Variants in GPR35 observed in about 807,000 individuals in gnomAD.
The protein encoded by GPR35 is G protein-coupled receptor 35.
For missense variants in GPR35, 372 were observed against 422.5 expected, an observed-to-expected ratio of 0.88 and a Z score of 1.05; for synonymous variants, 207 against 198.4, an observed-to-expected ratio of 1.04 and a Z score of -0.36.
At chr2:240,610,292 C>T (rs1349014199) in intron 2 of GPR35, among the ~76,000 whole-genome samples, 1 of 152,132 alleles carries the variant, frequency 6.6e-6, no homozygotes, top group African/African-American at 2.4e-5. Flanking sequence ...GCAATATTCC[C>T]TATACTAAAG....
rs553410156 is a variant in GPR35 at position 240,632,963 on chromosome 2, T to G, written c.*2081T>G. Among the ~76,000 whole-genome samples the G allele has an allele frequency of 6.6e-6, 1 of 152,250 alleles. No individual in the cohort carries two copies. The highest frequency in any genetic ancestry group is 1.5e-5 in the Non-Finnish European group (1 of 68,032). On this transcript the variant is annotated 3_prime_UTR_variant, in exon 2 of 2. Transcript: ENST00000407714. ...ATCATGGGGGCTGTTTCCCACATGC[T>G]GTTCTCATGATAGTGAGTGAGTTCT...
At chr2:240,606,758 G>A (rs2043138765) in intron 2 of GPR35, 1 of 152,328 alleles carries the variant, frequency 6.6e-6, no homozygotes, top group Admixed American at 6.5e-5. Context: ...TGTGCCTGCA[G>A]TGCGGGGAGT....
chr2:240,625,254 G>C (rs1559438393), upstream of GPR35: 15 of 985,186 alleles, frequency 1.5e-5, no homozygotes, highest in African/African-American at 1.7e-5. Context: ...CAGAACAAAT[G>C]TGTGCCCTCA....
upstream of GPR35, among the ~76,000 whole-genome samples, chr2:240,623,477 AGGGCGCAAACAGGTCG>A (rs1177960579): frequency 6.3e-5 from 5 of 79,744 alleles, no homozygotes; most frequent in East Asian, 5.0e-4. Flanking sequence ...ACAGGTCGTG[AGGGCGCAAACAGGTCG>A]TGAGGGTGCA....
rs745453974 is a variant in GPR35, at chr2:240,630,363, C to T, written c.411C>T (p.Cys137=). 3.8e-5 allele frequency: 61 copies of T among 1,607,638 alleles called. No homozygotes were observed. Among genetic ancestry groups the T allele is most frequent in the South Asian group, 1.1e-4 (10 of 91,042 alleles). ...LRSPRQAAAV[C]AVLWVLVIGS... is the part of the protein sequence containing the mutation. Reference sequence around the variant, plus strand: ...CCCCCAGGCAGGCTGCGGCCGTGTGCGCGGTCCTCTGGGTGCTGGTCATCG... The same window carrying T: ...CCCCCAGGCAGGCTGCGGCCGTGTGTGCGGTCCTCTGGGTGCTGGTCATCG... The change falls in exon 2 of 2, where the codon TGC becomes TGT. Residue 137 remains cysteine (C), a synonymous_variant. Coordinates refer to ENST00000407714, the MANE Select transcript of GPR35 (RefSeq NM_005301.5).
At chr2:240,622,465 T>C (rs528706224), upstream of GPR35, among the ~76,000 whole-genome samples, 44 of 152,326 alleles carry the variant, frequency 2.9e-4, no homozygotes, top group African/African-American at 8.9e-4. Flanking sequence ...CCGGGCCGCA[T>C]TGGAATAAGA....
chr2:240,626,628 C>T (rs2043381725), intron 1 of GPR35, among the ~76,000 whole-genome samples: 1 of 152,160 alleles, frequency 6.6e-6, no homozygotes, highest in Non-Finnish European at 1.5e-5. Flanking sequence ...CCGAGGTGAG[C>T]AGCTACTTTG....
Position 240,611,216 on chromosome 2 carries a change from C to T in GPR35, c.-577+4604C>T, listed in dbSNP as rs753299849. 4.0e-5 allele frequency among the ~76,000 whole-genome samples: 6 copies of T among 151,800 alleles called. No homozygotes were observed. The East Asian group carries it at 9.7e-4, about 25-fold the overall frequency. The stretch of plus-strand genomic sequence containing the variant: ...CTCCTGACCCCAAATGATCCACCCA[C>T]CTCGGCCTCACAAAGTTCTGGGGTT... On this transcript the variant is annotated intron_variant, in intron 2 of 5. Coordinates refer to the GPR35 transcript ENST00000319838.
intron 2 of GPR35, among the ~76,000 whole-genome samples, chr2:240,613,222 A>AG (rs2125476460): frequency 6.6e-6 from 1 of 152,220 alleles, no homozygotes; most frequent in East Asian, 1.9e-4. Flanking sequence ...AAGGAGGAGG[A>AG]GAGGGGACAA....
upstream of GPR35, among the ~76,000 whole-genome samples, chr2:240,622,053 T>TTA (rs1553614888): frequency 9.9e-5 from 15 of 151,534 alleles, no homozygotes; most frequent in African/African-American, 3.7e-4. Context: ...TTTTTTTTTT[T>TTA]ACTTTTTGTA....
In GPR35 at chr2:240,630,255, C is replaced by T; in HGVS notation, c.303C>T (p.Tyr101=). The T allele has an allele frequency of 6.4e-7, 1 of 1,564,184 alleles. No individual in the cohort carries two copies. Among genetic ancestry groups the T allele is most frequent in the Non-Finnish European group, 8.6e-7 (1 of 1,158,622 alleles). ...LSQGIYLTNR[Y]MSISLVTAIA... ...AGGGCATCTACCTGACCAACAGGTACATGAGCATCAGCCTGGTCACGGCCA... is the reference window on the plus strand; with the variant it reads ...AGGGCATCTACCTGACCAACAGGTATATGAGCATCAGCCTGGTCACGGCCA... The change falls in exon 2 of 2, where the codon TAC becomes TAT. Residue 101 remains tyrosine (Y), a synonymous_variant. Transcript: ENST00000407714.
intron 2 of GPR35, among the ~76,000 whole-genome samples, chr2:240,612,430 A>G (rs1241011355): frequency 6.8e-6 from 1 of 147,338 alleles, no homozygotes; most frequent in Non-Finnish European, 1.5e-5. Flanking sequence ...CTGTCTCAAA[A>G]AAAAAAAAAA....
At chr2:240,626,793 T>G (rs1198603683) in intron 1 of GPR35, among the ~76,000 whole-genome samples, 1 of 152,028 alleles carries the variant, frequency 6.6e-6, no homozygotes, top group Non-Finnish European at 1.5e-5. Context: ...TCAGCAGTGG[T>G]TGGGGCCTGT....
intron 2 of GPR35, among the ~76,000 whole-genome samples, chr2:240,610,899 G>T (rs577012957): frequency 1.3e-5 from 2 of 151,556 alleles, no homozygotes; most frequent in Non-Finnish European, 2.9e-5. Flanking sequence ...CACCCAAAGT[G>T]CTGGGGTTAC....
At chr2:240,610,791 C>A (rs997870343) in intron 2 of GPR35, among the ~76,000 whole-genome samples, 4 of 151,772 alleles carry the variant, frequency 2.6e-5, no homozygotes, top group Admixed American at 1.3e-4. Flanking sequence ...CCCGCCACCA[C>A]GCCCGGCTAA....
At chr2:240,614,815 T>C (rs767100998) in intron 2 of GPR35, among the ~76,000 whole-genome samples, 4 of 152,200 alleles carry the variant, frequency 2.6e-5, no homozygotes, top group Non-Finnish European at 5.9e-5. Context: ...TGTGTGTATG[T>C]GCACATGTGC....
intron 1 of GPR35, chr2:240,606,339 A>G (rs550989582): frequency 6.6e-6 from 1 of 152,420 alleles, no homozygotes; most frequent in South Asian, 2.1e-4. Flanking sequence ...GCCTGGATGG[A>G]CGTGACATCG....
intron 1 of GPR35, chr2:240,628,696 G>A (rs1187452903): frequency 6.6e-6 from 1 of 152,250 alleles, no homozygotes; most frequent in Middle Eastern, 3.2e-3. Context: ...TGGGCAGAGG[G>A]AGGAGGCAGA....
upstream of GPR35, among the ~76,000 whole-genome samples, chr2:240,623,076 G>A (rs978824869): frequency 1.8e-4 from 27 of 152,198 alleles, no homozygotes; most frequent in African/African-American, 5.3e-4. Context: ...GCCGGGCGCC[G>A]ACGACGACTG....
Sources: allele counts gnomAD v4.1 joint callset (sites outside exome capture counted in the v4.1 genomes callset), GRCh38; gene constraint gnomAD v4.1.1; transcripts MANE v1.5; gene names NCBI Gene and HGNC (gene_info 2026-07-23, HGNC 2026-07-21).